WDR86: variants seen among roughly 807,000 people sequenced by gnomAD.
The protein encoded by WDR86 is WD repeat domain 86.
A neutral mutation model predicts 36.5 loss-of-function variants in WDR86; 30 were observed. That is an observed-to-expected ratio of 0.82 (90% CI 0.61 to 1.11). The LOEUF (loss-of-function observed/expected upper bound fraction) is 1.11. Among genes scored for constraint, WDR86 ranks in the 50% most tolerant of loss-of-function variants. The pLI is 0.00. For missense variants in WDR86, 545 were observed against 561.2 expected (o/e 0.97, Z 0.29); for synonymous variants, 255 against 252.9 (o/e 1.01, Z -0.08).
chr7:151,395,933 C>A lies in WDR86; in HGVS notation c.569G>T (p.Arg190Leu). The change falls in exon 3 of 6, where the codon CGG (arginine) becomes CTG (leucine). Residue 190 changes from arginine to leucine, a missense_variant. Coordinates refer to ENST00000334493, the MANE Select transcript of WDR86 (RefSeq NM_198285.3). ...GCACAGCACTGCACCCGTGTGGCCC[C>A]GCAGCGTCTGGTGGCAGCAGCCGCT... ...VASGCCHQTL[R>L]GHTGAVLCLV... 1 of 1,595,334 alleles carries A rather than the reference C, an allele frequency of 6.3e-7. No homozygotes were observed. Among genetic ancestry groups the A allele is most frequent in the East Asian group, 2.3e-5 (1 of 43,986 alleles).
At chr7:151,377,331 C>T, downstream of WDR86, 10 of 636,878 alleles carry the variant, frequency 1.6e-5, no homozygotes, top group South Asian at 2.3e-5. Context: ...TACAAGTCCT[C>T]TTTGGGTGTA....
rs759629797 is a variant in WDR86, at chr7:151,405,677, C to T, written c.163+3750G>A. ...TTCTCCGGTGGGAGCGGTCAGTTGC[C>T]CCCAAGCTGTGTGAGGCTGCTGTGG... On this transcript the variant is annotated intron_variant, in intron 1 of 5. Coordinates refer to ENST00000334493, the MANE Select transcript of WDR86 (RefSeq NM_198285.3). The surrounding 1 kb of genome is among the most constrained non-coding windows in gnomAD (Gnocchi z 4.7). Among the ~76,000 whole-genome samples, 2 of 151,936 alleles carry T rather than the reference C, an allele frequency of 1.3e-5. No individual in the cohort carries two copies. The highest frequency in any genetic ancestry group is 2.9e-5 in the Non-Finnish European group (2 of 67,974).
intron 1 of WDR86, among the ~76,000 whole-genome samples, chr7:151,402,070 A>AAAAATATATATATATATATATAC: frequency 2.0e-5 from 1 of 50,558 alleles, no homozygotes; most frequent in Non-Finnish European, 3.3e-5. Context: ...AAAAAAAAAA[A>AAAAATATATATATATATATATAC]ATATATATAT....
intron 3 of WDR86, among the ~76,000 whole-genome samples, chr7:151,385,623 C>A (rs964109697): frequency 2.0e-4 from 30 of 152,216 alleles, no homozygotes; most frequent in African/African-American, 7.2e-4. Flanking sequence ...TCACATGGGG[C>A]TTTTGCTTCA....
At chr7:151,408,859 C>T (rs1428310348) in intron 1 of WDR86, 2 of 467,328 alleles carry the variant, frequency 4.3e-6, no homozygotes, top group Non-Finnish European at 8.9e-6. Flanking sequence ...ATCTACCCCT[C>T]ACTGGCTGTG....
intron 2 of WDR86, 41 bp from the exon 3 acceptor site, chr7:151,396,237 G>A: frequency 6.2e-7 from 1 of 1,609,716 alleles, no homozygotes; most frequent in Non-Finnish European, 8.5e-7. Context: ...AGAAGGCACG[G>A]GTTCCAGAAT....
chr7:151,397,984 C>T (rs1054113788), intron 2 of WDR86, among the ~76,000 whole-genome samples: 2 of 152,122 alleles, frequency 1.3e-5, no homozygotes, highest in Non-Finnish European at 2.9e-5. Flanking sequence ...TCTGAAAACT[C>T]GGGAGGAAGT....
chr7:151,376,437 C>T, downstream of WDR86: 1 of 577,804 alleles, frequency 1.7e-6, no homozygotes, highest in African/African-American at 1.9e-5. Flanking sequence ...CCTGACGCAC[C>T]CGACTTGAGT....
chr7:151,409,304 G>A lies in WDR86; in HGVS notation c.163+123C>T. The A allele has an allele frequency of 2.1e-6, 3 of 1,431,666 alleles. No homozygotes were observed. The highest frequency in any genetic ancestry group is 2.9e-6 in the Non-Finnish European group (3 of 1,049,782). The allele number at this position is 1,431,666 out of a possible 1,614,324, so 88.7% of individuals were successfully genotyped here. On this transcript the variant is annotated intron_variant, in intron 1 of 5. Transcript: ENST00000334493. This position sits in a 1 kb window ranked among gnomAD's most constrained non-coding sequence, Gnocchi z 5.2. ...GGCCCAGACAAGCGCTCTTCCGCTA[G>A]TGTGCCGGGATGAGCGGGGGCTGGA...
At chr7:151,374,390 CCAGCCCAGA>C (rs1387513084), downstream of WDR86, 1 of 1,076,980 alleles carries the variant, frequency 9.3e-7, no homozygotes, top group Non-Finnish European at 1.4e-6. Flanking sequence ...CTCCTGGGCT[CCAGCCCAGA>C]CACAGGCTGC....
chr7:151,409,217 G>T lies in WDR86; in HGVS notation c.163+210C>A. ...CCCGATCCCGGCCGCACCCTGCTCT[G>T]CACCCGCACCCCACCCCCAGACCTC... On this transcript the variant is annotated intron_variant, in intron 1 of 5. Transcript: ENST00000334493. This position sits in a 1 kb window ranked among gnomAD's most constrained non-coding sequence, Gnocchi z 5.2. The T allele has an allele frequency of 2.7e-6, 2 of 738,510 alleles. No homozygotes were observed. The highest frequency in any genetic ancestry group is 2.2e-6 in the Non-Finnish European group (1 of 452,698). 45.7% of individuals were successfully genotyped at this position (738,510 alleles called of 1,614,324 possible). A position where few individuals can be genotyped will look rare whatever the true frequency, so the allele number is the denominator to read the frequency against.
chr7:151,409,569 G>A lies in WDR86; in HGVS notation c.21C>T (p.Ala7=). 1 of 1,420,238 alleles carries A rather than the reference G, an allele frequency of 7.0e-7. No homozygotes were observed. Among genetic ancestry groups the A allele is most frequent in the Non-Finnish European group, 9.2e-7 (1 of 1,090,316 alleles). The allele number at this position is 1,420,238 out of a possible 1,614,324, so 88.0% of individuals were successfully genotyped here. The change falls in exon 1 of 6, where the codon GCC becomes GCT. Residue 7 remains alanine (A), a synonymous_variant. Transcript: ENST00000334493. The surrounding 1 kb of genome is among the most constrained non-coding windows in gnomAD (Gnocchi z 5.2). MGGGGS[A]LRVCADHRGG... The stretch of plus-strand genomic sequence containing the variant: ...CGCGGTGGTCGGCGCAGACCCTCAG[G>A]GCCGACCCGCCGCCCCCCATCCCGC...
At chr7:151,402,071 ATATATATAT>A (rs1226744816) in intron 1 of WDR86, among the ~76,000 whole-genome samples, 1 of 45,494 alleles carries the variant, frequency 2.2e-5, no homozygotes. Flanking sequence ...AAAAAAAAAA[ATATATATAT>A]ATATATATAT....
chr7:151,384,833 A>G (rs1232056454), intron 4 of WDR86, among the ~76,000 whole-genome samples: 1 of 152,108 alleles, frequency 6.6e-6, no homozygotes. Context: ...CATGCTTTTG[A>G]CCCTAGACCC....
At chr7:151,369,478 T>C in the WDR86 span, among the ~76,000 whole-genome samples, 1 of 152,220 alleles carries the variant, frequency 6.6e-6, no homozygotes, top group Non-Finnish European at 1.5e-5. Context: ...TTATTAAAGT[T>C]GGGGATTGCA....
At position 151,383,211 on chromosome 7, in the gene WDR86, C is replaced by T. The variant is rs191903643; in HGVS notation, c.863-1230G>A. On this transcript the variant is annotated intron_variant, in intron 4 of 5. Transcript: ENST00000334493. ...GGGAGCTGGGCACAGTGGCTCACGC[C>T]TGTAATCTCAGCACTTTGGGAAGCT... 8.3e-3 allele frequency among the ~76,000 whole-genome samples: 1,268 copies of T among 151,950 alleles called. 13 individuals carry two copies. The highest frequency in any genetic ancestry group is 0.029 in the African/African-American group (1,214 of 41,372).
rs868760778 is a variant in WDR86 at position 151,395,795 on chromosome 7, C to T, written c.707G>A (p.Gly236Asp). ...EQLRVFREHRGSVICLELVNR... is the reference protein window; with the variant it reads ...EQLRVFREHRDSVICLELVNR... ...TCTCACCTCCAGACAGATGACGGAG[C>T]CCCGGTGCTCCCGGAACACCCGCAG... The change falls in exon 3 of 6, where the codon GGC becomes GAC. Residue 236 changes from glycine (G) to aspartate (D), a missense_variant. By Grantham distance (94) the Gly-to-Asp change is moderately conservative. Transcript: ENST00000334493. 1.3e-6 allele frequency: 2 copies of T among 1,562,308 alleles called. No individual in the cohort carries two copies. Among genetic ancestry groups the T allele is most frequent in the Non-Finnish European group, 1.7e-6 (2 of 1,155,348 alleles).
chr7:151,387,637 G>A (rs1156890715), intron 3 of WDR86, among the ~76,000 whole-genome samples: 4 of 152,112 alleles, frequency 2.6e-5, no homozygotes, highest in African/African-American at 7.2e-5. Context: ...CCGGGGCTCC[G>A]CCGCTGAGGG....
Position 151,401,157 on chromosome 7 carries a change from G to A in WDR86, c.164-916C>T, listed in dbSNP as rs1305894000. On this transcript the variant is annotated intron_variant, in intron 1 of 5. Coordinates refer to ENST00000334493, the MANE Select transcript of WDR86 (RefSeq NM_198285.3). This position sits in a 1 kb window ranked among gnomAD's most constrained non-coding sequence, Gnocchi z 4.3. ...GGTCTTTGCTCTCTCATCCTCACAG[G>A]CAGCCTACCCTGACTCCCCTCTTGG... Among the ~76,000 whole-genome samples, 2 of 152,098 alleles carry A rather than the reference G, an allele frequency of 1.3e-5. No individual in the cohort carries two copies. The highest frequency in any genetic ancestry group is 3.9e-4 in the East Asian group (2 of 5,190).
Sources: allele counts gnomAD v4.1 joint callset (sites outside exome capture counted in the v4.1 genomes callset), GRCh38; gene constraint gnomAD v4.1.1; non-coding constraint Gnocchi (gnomAD v3.1); transcripts MANE v1.5; gene names NCBI Gene and HGNC (gene_info 2026-07-23, HGNC 2026-07-21).